Variants in PDE1C observed in about 807,000 individuals in gnomAD.
PDE1C encodes the protein dual specificity calcium/calmodulin-dependent 3',5'-cyclic nucleotide phosphodiesterase 1C.
PDE1C carries 62 observed loss-of-function variants against 93.1 expected under a neutral mutation model. The ratio of observed to expected loss-of-function variants is 0.67; its 90% CI spans 0.54 to 0.82. The LOEUF is 0.82. Among genes scored for constraint, PDE1C ranks in the 40% least tolerant of loss-of-function variants. PDE1C has a pLI of 0.00. For synonymous variants in PDE1C, 325 were observed against 310.1 expected, an observed-to-expected ratio of 1.05 and a Z score of -0.50; for missense variants, 742 against 884.6, an observed-to-expected ratio of 0.84 and a Z score of 2.04.
chr7:32,300,769 G>A (rs1009687149), upstream of PDE1C, among the ~76,000 whole-genome samples: 1 of 152,224 alleles, frequency 6.6e-6, no homozygotes, highest in African/African-American at 2.4e-5. Flanking sequence ...AATTTTATAG[G>A]TGAAGAGAAT....
the PDE1C span, among the ~76,000 whole-genome samples, chr7:31,739,200 G>GAC: frequency 0.16 from 22,869 of 142,930 alleles, 2,002 homozygotes; most frequent in East Asian, 0.32. Flanking sequence ...GTAACTTTTA[G>GAC]ACACACACAC....
intron 1 of PDE1C, among the ~76,000 whole-genome samples, chr7:32,401,976 G>A (rs1013164524): frequency 8.5e-5 from 13 of 152,112 alleles, no homozygotes; most frequent in African/African-American, 3.1e-4. Flanking sequence ...CATTTATCAA[G>A]GACTTACTAA....
chr7:32,093,161 T>C (rs761417498), intron 3 of PDE1C, among the ~76,000 whole-genome samples: 1 of 152,220 alleles, frequency 6.6e-6, no homozygotes, highest in Non-Finnish European at 1.5e-5. Flanking sequence ...GAAGGGTAGG[T>C]AGAATGACTG....
At chr7:31,979,582 G>A (rs1464881107) in intron 2 of PDE1C, among the ~76,000 whole-genome samples, 1 of 152,148 alleles carries the variant, frequency 6.6e-6, no homozygotes, top group Non-Finnish European at 1.5e-5. Context: ...AAATGGCAGA[G>A]CCAGGATTCA....
intron 16 of PDE1C, among the ~76,000 whole-genome samples, chr7:31,804,618 T>C (rs546652673): frequency 5.5e-4 from 83 of 151,998 alleles, no homozygotes; most frequent in Non-Finnish European, 1.1e-3. Flanking sequence ...GCAGCCTCAG[T>C]ATAATTTTTT....
intron 1 of PDE1C, among the ~76,000 whole-genome samples, chr7:32,338,172 G>A (rs1783667988): frequency 6.6e-6 from 1 of 152,096 alleles, no homozygotes. Flanking sequence ...TCAGAAGAGT[G>A]GAAAGACAAC....
chr7:32,412,807 G>A (rs1422973327), intron 1 of PDE1C, among the ~76,000 whole-genome samples: 1 of 152,196 alleles, frequency 6.6e-6, no homozygotes, highest in Non-Finnish European at 1.5e-5. Flanking sequence ...GAGAATCTCA[G>A]AAACATGCAG....
chr7:31,777,178 G>A (rs75734515), intron 16 of PDE1C, among the ~76,000 whole-genome samples: 6,024 of 151,550 alleles, frequency 0.04, 283 homozygotes, highest in East Asian at 0.19. Context: ...ATTAAAAAAA[G>A]AAAAAGAATC....
At chr7:31,842,435 G>A (rs1372802896) in intron 9 of PDE1C, among the ~76,000 whole-genome samples, 2 of 152,060 alleles carry the variant, frequency 1.3e-5, no homozygotes, top group African/African-American at 4.8e-5. Flanking sequence ...TTCTTTGTGG[G>A]AATATTTTTG....
chr7:31,942,900 A>G (rs2129002278), intron 2 of PDE1C, among the ~76,000 whole-genome samples: 1 of 152,298 alleles, frequency 6.6e-6, no homozygotes, highest in East Asian at 1.9e-4. Context: ...TCTTGTTTCT[A>G]TCACTAAGAT....
Position 31,878,164 on chromosome 7 carries a change from A to AT in PDE1C, c.426-129dup, listed in dbSNP as rs1428818193. The stretch of plus-strand genomic sequence containing the variant: ...GGGTGATCCAAAGAACCTAAAATTC[A>AT]TTTTTTGACATTTTTAATATTCACT... On this transcript the variant is annotated intron_variant, in intron 4 of 17. Coordinates refer to ENST00000396191, the MANE Select transcript of PDE1C (RefSeq NM_001191057.4). 4 of 582,052 alleles carry AT rather than the reference A, an allele frequency of 6.9e-6. No individual in the cohort carries two copies. The East Asian group carries it at 9.2e-5, about 13-fold the overall frequency. 36.1% of individuals were successfully genotyped at this position (582,052 alleles called of 1,614,324 possible).
the PDE1C span, among the ~76,000 whole-genome samples, chr7:31,663,884 C>T: frequency 6.6e-6 from 1 of 152,166 alleles, no homozygotes; most frequent in East Asian, 1.9e-4. Flanking sequence ...TCATTCTCTT[C>T]TTTTTCCAGG....
intron 11 of PDE1C, among the ~76,000 whole-genome samples, chr7:31,830,557 AGTTCCT>A (rs1346597278): frequency 6.6e-6 from 1 of 152,222 alleles, no homozygotes; most frequent in East Asian, 1.9e-4. Context: ...GAAACACTCA[AGTTCCT>A]TTGGCCACTC....
chr7:32,078,927 C>CAA (rs112614033), intron 3 of PDE1C, among the ~76,000 whole-genome samples: 137 of 129,408 alleles, frequency 1.1e-3, no homozygotes, highest in Middle Eastern at 4.1e-3. Flanking sequence ...CTCACTCTCT[C>CAA]AAAAAAAAAA....
At chr7:31,901,545 G>C (rs1029904822) in intron 2 of PDE1C, among the ~76,000 whole-genome samples, 4 of 151,110 alleles carry the variant, frequency 2.6e-5, no homozygotes, top group African/African-American at 9.7e-5. Flanking sequence ...CCATTTTAAA[G>C]ATATAAATTT....
At chr7:32,123,319 T>C (rs1451656700) in intron 3 of PDE1C, among the ~76,000 whole-genome samples, 1 of 151,888 alleles carries the variant, frequency 6.6e-6, no homozygotes, top group Admixed American at 6.6e-5. Context: ...CTGAAACTAT[T>C]CCAAACAACT....
chr7:32,143,756 T>C (rs1284852330), intron 3 of PDE1C, among the ~76,000 whole-genome samples: 1 of 152,172 alleles, frequency 6.6e-6, no homozygotes, highest in Non-Finnish European at 1.5e-5. Flanking sequence ...TTCTGCCAAA[T>C]TTAGTTCAAC....
At chr7:32,374,855 G>C (rs1279331888) in intron 1 of PDE1C, among the ~76,000 whole-genome samples, 1 of 152,152 alleles carries the variant, frequency 6.6e-6, no homozygotes, top group East Asian at 1.9e-4. Flanking sequence ...TTGTATCCCA[G>C]CTCATCAGTC....
intron 1 of PDE1C, among the ~76,000 whole-genome samples, chr7:32,345,381 T>C (rs215678): frequency 0.8 from 121,755 of 152,140 alleles, 49,079 homozygotes; most frequent in Admixed American, 0.85. Context: ...CCCCAGTATC[T>C]CAAATCAAGT....
Sources: allele counts gnomAD v4.1 joint callset (sites outside exome capture counted in the v4.1 genomes callset), GRCh38; gene constraint gnomAD v4.1.1; transcripts MANE v1.5; gene names NCBI Gene and HGNC (gene_info 2026-07-23, HGNC 2026-07-21).